Variants in FOXRED1 observed in about 807,000 individuals in gnomAD.
The protein encoded by FOXRED1 is FAD dependent oxidoreductase domain containing 1.
FOXRED1 carries 52 observed loss-of-function variants against 57.8 expected under a neutral mutation model. The observed-to-expected ratio is 0.90, with a 90% CI of 0.72 to 1.13. FOXRED1 has a LOEUF of 1.13. FOXRED1 is among the 50% of genes most tolerant of loss of function. The probability of loss-of-function intolerance (pLI) is 0.00; values close to 1 mark genes in which losing one functional copy is unlikely to be tolerated. For missense variants in FOXRED1, 589 were observed against 625.2 expected, an observed-to-expected ratio of 0.94 and a Z score of 0.62; for synonymous variants, 271 against 248.3, an observed-to-expected ratio of 1.09 and a Z score of -0.86.
chr11:126,269,168 A>G lies in FOXRED1; in HGVS notation c.-39A>G, dbSNP rs2135249168. ...GTGACGGCTGCGATAATAGCGAGGC[A>G]GCAGTGCAGCTTTCAGAGGGTCCGG... On this transcript the variant is annotated 5_prime_UTR_variant, in exon 1 of 11. Transcript: ENST00000263578. The G allele has an allele frequency of 1.4e-6, 2 of 1,460,350 alleles. No individual in the cohort carries two copies. Among genetic ancestry groups the G allele is most frequent in the African/African-American group, 1.4e-5 (1 of 72,712 alleles). The allele number at this position is 1,460,350 out of a possible 1,614,324, so 90.5% of individuals were successfully genotyped here. A position where few individuals can be genotyped will look rare whatever the true frequency, so the allele number is the denominator to read the frequency against.
rs936835041 is a variant in FOXRED1 at position 126,272,820 on chromosome 11, A to G, written c.307-149A>G. On this transcript the variant is annotated intron_variant, in intron 2 of 10. Coordinates refer to ENST00000263578, the MANE Select transcript of FOXRED1 (RefSeq NM_017547.4). This position sits in a 1 kb window ranked among gnomAD's most constrained non-coding sequence, Gnocchi z 4.6. ...AATGATTTTAAACACCATTGCCTTC[A>G]AGTTGACTTACACATGGGTCTTAGA... 1.4e-6 allele frequency: 1 copy of G among 696,490 alleles called. No individual in the cohort carries two copies. Among genetic ancestry groups the G allele is most frequent in the Non-Finnish European group, 2.6e-6 (1 of 379,278 alleles). The allele number at this position is 696,490 out of a possible 1,614,324, so 43.1% of individuals were successfully genotyped here. A position where few individuals can be genotyped will look rare whatever the true frequency, so the allele number is the denominator to read the frequency against.
In FOXRED1 at chr11:126,277,943, C is replaced by T; in HGVS notation, c.*254C>T. The T allele has an allele frequency of 4.6e-6, 3 of 652,978 alleles. 1 individual carries two copies. Among genetic ancestry groups the T allele is most frequent in the South Asian group, 4.5e-5 (3 of 65,954 alleles). 40.4% of individuals were successfully genotyped at this position (652,978 alleles called of 1,614,324 possible). A position where few individuals can be genotyped will look rare whatever the true frequency, so the allele number is the denominator to read the frequency against. Reference sequence around the variant, plus strand: ...GATGTCACCCACCAGGGCAATCCATCTGGAGGCCTGAGCACCCTGGCCCAG... The same window carrying T: ...GATGTCACCCACCAGGGCAATCCATTTGGAGGCCTGAGCACCCTGGCCCAG... On this transcript the variant is annotated 3_prime_UTR_variant, in exon 11 of 11. Transcript: ENST00000263578. The surrounding 1 kb of genome is among the most constrained non-coding windows in gnomAD (Gnocchi z 6.8).
Position 126,275,429 on chromosome 11 carries a change from G to C in FOXRED1, c.733+1G>C. On this transcript the variant is annotated splice_donor_variant, in intron 6 of 10. Coordinates refer to ENST00000263578, the MANE Select transcript of FOXRED1 (RefSeq NM_017547.4). LOFTEE classifies it high-confidence loss of function. This position sits in a 1 kb window ranked among gnomAD's most constrained non-coding sequence, Gnocchi z 5.9. ...CTTTTCTGCCAGGGAGAGGTGACAC[G>C]TGAGTCTGAGCTTGTTTCCTCTAGC... The C allele has an allele frequency of 6.3e-7, 1 of 1,596,960 alleles. No individual in the cohort carries two copies. The highest frequency in any genetic ancestry group is 8.6e-7 in the Non-Finnish European group (1 of 1,164,298).
chr11:126,272,947 A>T lies in FOXRED1; in HGVS notation c.307-22A>T. ...ATGTGATAGGGTACTGGTCTACCTC[A>T]ACTTTTCTTGTCTTTCCACAGTATT... On this transcript the variant is annotated intron_variant, in intron 2 of 10. Transcript: ENST00000263578. This position sits in a 1 kb window ranked among gnomAD's most constrained non-coding sequence, Gnocchi z 4.6. 1 of 1,212,582 alleles carries T rather than the reference A, an allele frequency of 8.2e-7. No individual in the cohort carries two copies. Among genetic ancestry groups the T allele is most frequent in the Non-Finnish European group, 1.2e-6 (1 of 813,032 alleles). 75.1% of individuals were successfully genotyped at this position (1,212,582 alleles called of 1,614,324 possible). A position where few individuals can be genotyped will look rare whatever the true frequency, so the allele number is the denominator to read the frequency against.
Position 126,274,821 on chromosome 11 carries a change from A to G in FOXRED1, c.537-106A>G. 1.3e-6 allele frequency: 1 copy of G among 790,082 alleles called. No individual in the cohort carries two copies. Among genetic ancestry groups the G allele is most frequent in the South Asian group, 1.4e-5 (1 of 73,902 alleles). The allele number at this position is 790,082 out of a possible 1,614,324, so 48.9% of individuals were successfully genotyped here. A position where few individuals can be genotyped will look rare whatever the true frequency, so the allele number is the denominator to read the frequency against. On this transcript the variant is annotated intron_variant, in intron 4 of 10. Coordinates refer to ENST00000263578, the MANE Select transcript of FOXRED1 (RefSeq NM_017547.4). This position sits in a 1 kb window ranked among gnomAD's most constrained non-coding sequence, Gnocchi z 4.8. The stretch of plus-strand genomic sequence containing the variant: ...TAGGGGCATTTGGGGCAGAGAAGTG[A>G]CATGACTGAGCTGGACTCCCCACTT...
Position 126,275,482 on chromosome 11 carries a change from T to C in FOXRED1, c.733+54T>C. On this transcript the variant is annotated intron_variant, in intron 6 of 10. Transcript: ENST00000263578. The surrounding 1 kb of genome is among the most constrained non-coding windows in gnomAD (Gnocchi z 5.9). ...CCGGGGCATAGGCCTAGACTAGGTC[T>C]TATCTTCTCACTCACAAGCTAAGCA... The C allele has an allele frequency of 1.6e-6, 2 of 1,251,196 alleles. No individual in the cohort carries two copies. Among genetic ancestry groups the C allele is most frequent in the Non-Finnish European group, 2.4e-6 (2 of 848,738 alleles). 77.5% of individuals were successfully genotyped at this position (1,251,196 alleles called of 1,614,324 possible). A position where few individuals can be genotyped will look rare whatever the true frequency, so the allele number is the denominator to read the frequency against.
chr11:126,274,713 A>G lies in FOXRED1; in HGVS notation c.537-214A>G, dbSNP rs1951083318. On this transcript the variant is annotated intron_variant, in intron 4 of 10. Transcript: ENST00000263578. The surrounding 1 kb of genome is among the most constrained non-coding windows in gnomAD (Gnocchi z 4.8). ...GAGCTCTGTGTGCTGAAGGGAGACAAGGGAGTAGGGAAGGAAAGGCAGTCA... is the reference window on the plus strand; with the variant it reads ...GAGCTCTGTGTGCTGAAGGGAGACAGGGGAGTAGGGAAGGAAAGGCAGTCA... The G allele has an allele frequency of 1.7e-6, 1 of 604,636 alleles. No individual in the cohort carries two copies. The highest frequency in any genetic ancestry group is 3.0e-6 in the Non-Finnish European group (1 of 332,200). 37.5% of individuals were successfully genotyped at this position (604,636 alleles called of 1,614,324 possible).
chr11:126,270,345 C>G (rs1229761143), intron 1 of FOXRED1, among the ~76,000 whole-genome samples: 1 of 152,194 alleles, frequency 6.6e-6, no homozygotes, highest in Non-Finnish European at 1.5e-5. Flanking sequence ...ATTTAAGATA[C>G]TTACTGAGCA....
rs1270422679 is a variant in FOXRED1, at chr11:126,271,276, G to A, written c.86-161G>A. 5 of 677,584 alleles carry A rather than the reference G, an allele frequency of 7.4e-6. No homozygotes were observed. Among genetic ancestry groups the A allele is most frequent in the Non-Finnish European group, 1.3e-5 (5 of 370,598 alleles). 42.0% of individuals were successfully genotyped at this position (677,584 alleles called of 1,614,324 possible). On this transcript the variant is annotated intron_variant, in intron 1 of 10. Coordinates refer to ENST00000263578, the MANE Select transcript of FOXRED1 (RefSeq NM_017547.4). The surrounding 1 kb of genome is among the most constrained non-coding windows in gnomAD (Gnocchi z 5.3). ...CATGTGGACTATTCAGAAAACTGTG[G>A]CAACACTGTTGGGTGCAAGGTGACC... is the stretch of plus-strand genomic sequence containing the variant.
chr11:126,275,626 C>A lies in FOXRED1; in HGVS notation c.734-168C>A. 1 of 719,864 alleles carries A rather than the reference C, an allele frequency of 1.4e-6. No homozygotes were observed. Among genetic ancestry groups the A allele is most frequent in the Admixed American group, 2.0e-5 (1 of 49,526 alleles). 44.6% of individuals were successfully genotyped at this position (719,864 alleles called of 1,614,324 possible). On this transcript the variant is annotated intron_variant, in intron 6 of 10. Transcript: ENST00000263578. This position sits in a 1 kb window ranked among gnomAD's most constrained non-coding sequence, Gnocchi z 5.9. ...TTGATGATTGCACCTGAGCACTGTC[C>A]TGTCAGAGTGTGGCCAAGCTCATGC...
Position 126,277,093 on chromosome 11 carries a change from A to C in FOXRED1, c.1124A>C (p.Asn375Thr), listed in dbSNP as rs1361600169. Residue 375 changes from asparagine (N) to threonine (T), a missense_variant, in exon 10 of 11, where the codon AAC (asparagine) becomes ACC (threonine). Coordinates refer to ENST00000263578, the MANE Select transcript of FOXRED1 (RefSeq NM_017547.4). This position sits in a 1 kb window ranked among gnomAD's most constrained non-coding sequence, Gnocchi z 6.8. ...CAGCAGGAAGAACCGGACCCGGCGA[A>C]CCTGGAAGTGGACCATGATTTCTTC... ...PTEQEEPDPA[N>T]LEVDHDFFQD... 2 of 1,613,316 alleles carry C rather than the reference A, an allele frequency of 1.2e-6. No individual in the cohort carries two copies. Among genetic ancestry groups the C allele is most frequent in the East Asian group, 4.5e-5 (2 of 44,880 alleles).
Position 126,277,490 on chromosome 11 carries a change from T to TG in FOXRED1, c.1264dup (p.Val422GlyfsTer123). The TG allele has an allele frequency of 6.2e-7, 1 of 1,613,536 alleles. No homozygotes were observed. Among genetic ancestry groups the TG allele is most frequent in the Non-Finnish European group, 8.5e-7 (1 of 1,179,996 alleles). ...TACAACACCTTTGACCAGAATGGCG[T>TG]GGTGGGCCCCCACCCGCTAGTTGTC... On this transcript the variant is annotated frameshift_variant, in exon 11 of 11. Transcript: ENST00000263578. LOFTEE classifies it high-confidence loss of function. The surrounding 1 kb of genome is among the most constrained non-coding windows in gnomAD (Gnocchi z 6.8).
At chr11:126,276,316 G>GTGTATGGGGTTGGGGAGGGTGTGTGT in intron 8 of FOXRED1, 78 bp from the exon 9 acceptor site, 1 of 114,666 alleles carries the variant, frequency 8.7e-6, no homozygotes, top group Admixed American at 1.4e-4. Context: ...TGTGTGTGTG[G>GTGTATGGGGTTGGGGAGGGTGTGTGT]GGTGTGGGGT....
chr11:126,271,647 G>A lies in FOXRED1; in HGVS notation c.296G>A (p.Arg99Gln), dbSNP rs768102112. 22 of 1,613,114 alleles carry A rather than the reference G, an allele frequency of 1.4e-5. No homozygotes were observed. Among genetic ancestry groups the A allele is most frequent in the Middle Eastern group, 1.7e-4 (1 of 5,800 alleles). ...GCTATTCGAGTGCTAGTGGTGGAAC[G>A]GGACCACACGGTGAGGTCTGGGGTA... ...RGAIRVLVVERDHTYSQASTG... is the reference protein window; with the variant it reads ...RGAIRVLVVEQDHTYSQASTG... The change falls in exon 2 of 11, where the codon CGG becomes CAG. Residue 99 changes from arginine to glutamine, a missense_variant. Arg to Gln is a conservative substitution (Grantham distance 43, BLOSUM62 1). Coordinates refer to ENST00000263578, the MANE Select transcript of FOXRED1 (RefSeq NM_017547.4). The surrounding 1 kb of genome is among the most constrained non-coding windows in gnomAD (Gnocchi z 5.3).
chr11:126,277,802 G>A lies in FOXRED1; in HGVS notation c.*113G>A, dbSNP rs667627. 0.21 allele frequency: 250,555 copies of A among 1,187,450 alleles called. 29,312 individuals carry two copies. The highest frequency in any genetic ancestry group is 0.24 in the Non-Finnish European group (194,640 of 803,232). The allele number at this position is 1,187,450 out of a possible 1,614,324, so 73.6% of individuals were successfully genotyped here. On this transcript the variant is annotated 3_prime_UTR_variant, in exon 11 of 11. Coordinates refer to ENST00000263578, the MANE Select transcript of FOXRED1 (RefSeq NM_017547.4). The surrounding 1 kb of genome is among the most constrained non-coding windows in gnomAD (Gnocchi z 6.8). The stretch of plus-strand genomic sequence containing the variant: ...GCCAGGCCTTCTCCCCCTCCCCAGT[G>A]TCCTCTCCTCTCAGGCAGGCCATTG...
Position 126,275,100 on chromosome 11 carries a change from A to G in FOXRED1, c.631+79A>G. The G allele has an allele frequency of 1.0e-6, 1 of 987,310 alleles. No individual in the cohort carries two copies. Among genetic ancestry groups the G allele is most frequent in the South Asian group, 1.3e-5 (1 of 77,214 alleles). The allele number at this position is 987,310 out of a possible 1,614,324, so 61.2% of individuals were successfully genotyped here. On this transcript the variant is annotated intron_variant, in intron 5 of 10. Coordinates refer to ENST00000263578, the MANE Select transcript of FOXRED1 (RefSeq NM_017547.4). This position sits in a 1 kb window ranked among gnomAD's most constrained non-coding sequence, Gnocchi z 5.9. ...GGTGCTACACGTTGGGAGTCTCGGTACTCCACAGCCAAGCTGAAGGAGGAA... is the reference window on the plus strand; with the variant it reads ...GGTGCTACACGTTGGGAGTCTCGGTGCTCCACAGCCAAGCTGAAGGAGGAA...
intron 1 of FOXRED1, 112 bp downstream of exon 1, chr11:126,269,403 C>T (rs943286342): frequency 6.3e-7 from 1 of 1,591,206 alleles, no homozygotes; most frequent in Non-Finnish European, 8.6e-7. Context: ...AGTGGGTCGG[C>T]TTGGGGAAGG....
intron 8 of FOXRED1, 52 bp downstream of exon 8, chr11:126,276,271 A>C: frequency 2.1e-4 from 28 of 135,764 alleles, no homozygotes; most frequent in Non-Finnish European, 2.7e-4. Flanking sequence ...AAGAAATGAC[A>C]TCGAAGTTGG....
At chr11:126,269,986 CAAAAAAAAA>C (rs58199526) in intron 1 of FOXRED1, among the ~76,000 whole-genome samples, 2 of 72,332 alleles carry the variant, frequency 2.8e-5, no homozygotes, top group Non-Finnish European at 5.9e-5. Flanking sequence ...AACTCCGTCT[CAAAAAAAAA>C]AAAAAAAAAA....
Sources: allele counts gnomAD v4.1 joint callset (sites outside exome capture counted in the v4.1 genomes callset), GRCh38; gene constraint gnomAD v4.1.1; non-coding constraint Gnocchi (gnomAD v3.1); transcripts MANE v1.5; gene names NCBI Gene and HGNC (gene_info 2026-07-23, HGNC 2026-07-21).